The following EYS variants were observed in gnomAD, a reference collection of about 807,000 sequenced individuals.
The protein encoded by EYS is protein eyes shut homolog.
Under a neutral mutation model 282.1 loss-of-function variants are expected in EYS, and 250 were observed. That is an observed-to-expected ratio of 0.89 (90% confidence interval 0.80 to 0.98). The LOEUF is 0.98. Ranked by LOEUF, EYS falls within the 50% of genes least tolerant of loss-of-function variation. The pLI is 0.00. For synonymous variants in EYS, 1,355 were observed against 1,282.9 expected, an observed-to-expected ratio of 1.06 and a Z score of -1.20; for missense variants, 4,016 against 3,709.0, an observed-to-expected ratio of 1.08 and a Z score of -2.15.
At chr6:65,661,274 G>T (rs977916190) in intron 1 of EYS, among the ~76,000 whole-genome samples, 17 of 151,836 alleles carry the variant, frequency 1.1e-4, no homozygotes, top group African/African-American at 3.9e-4. Context: ...CATCTTTTGA[G>T]AACTTTTTCC....
intron 26 of EYS, among the ~76,000 whole-genome samples, chr6:64,565,051 G>A (rs528650263): frequency 6.6e-6 from 1 of 152,044 alleles, no homozygotes; most frequent in East Asian, 1.9e-4. Context: ...TATGTATTTT[G>A]GATGTTATCT....
At chr6:65,699,519 T>TCATGTAC (rs1769579638) in intron 1 of EYS, among the ~76,000 whole-genome samples, 1 of 152,052 alleles carries the variant, frequency 6.6e-6, no homozygotes, top group Non-Finnish European at 1.5e-5. Flanking sequence ...TAAGTAGTAG[T>TCATGTAC]CATGTACCCA....
intron 2 of EYS, among the ~76,000 whole-genome samples, chr6:65,540,050 C>A (rs1768106270): frequency 6.6e-6 from 1 of 152,176 alleles, no homozygotes; most frequent in South Asian, 2.1e-4. Context: ...ATTCCCATGT[C>A]TTTGCACACA....
chr6:64,359,115 T>G (rs965408081), intron 29 of EYS, among the ~76,000 whole-genome samples: 3 of 151,682 alleles, frequency 2.0e-5, no homozygotes, highest in African/African-American at 7.3e-5. Flanking sequence ...TATGTTAGGT[T>G]GTCCACTTAT....
chr6:63,957,097 T>A (rs1370472821), intron 35 of EYS, among the ~76,000 whole-genome samples: 1 of 152,192 alleles, frequency 6.6e-6, no homozygotes, highest in African/African-American at 2.4e-5. Context: ...GCCAATAGCA[T>A]TATAACTCAT....
Position 64,229,253 on chromosome 6 carries a change from C to T in EYS, c.6424+1339G>A, listed in dbSNP as rs532576049. Among the ~76,000 whole-genome samples, 18 of 152,066 alleles carry T rather than the reference C, an allele frequency of 1.2e-4. No homozygotes were observed. The South Asian group carries it at 2.3e-3, about 19-fold the overall frequency. On this transcript the variant is annotated intron_variant, in intron 31 of 42. Transcript: ENST00000503581. ...TCATGCCATTGCACTCCAGCCTGGG[C>T]GGCAGAGCGAGACTCCATCTCAAGA... is the stretch of plus-strand genomic sequence containing the variant.
intron 8 of EYS, among the ~76,000 whole-genome samples, chr6:65,357,863 T>A (rs76170345): frequency 2.6e-3 from 254 of 98,296 alleles, no homozygotes; most frequent in African/African-American, 6.4e-3. Flanking sequence ...TAAAACACTA[T>A]TTTTTTTCGT....
intron 22 of EYS, among the ~76,000 whole-genome samples, chr6:64,689,862 A>G (rs755936704): frequency 3.9e-5 from 6 of 152,170 alleles, no homozygotes; most frequent in Non-Finnish European, 8.8e-5. Context: ...TAGACCTAAA[A>G]CCATAAAAAC....
intron 5 of EYS, among the ~76,000 whole-genome samples, chr6:65,459,283 T>A (rs552302368): frequency 2.2e-4 from 34 of 152,172 alleles, no homozygotes; most frequent in African/African-American, 7.9e-4. Context: ...CAATTAATAT[T>A]TTCACTTATT....
chr6:64,594,836 A>G (rs1325247585), intron 24 of EYS, among the ~76,000 whole-genome samples: 1 of 151,692 alleles, frequency 6.6e-6, no homozygotes, highest in Admixed American at 6.6e-5. Context: ...AACTTAAAGT[A>G]TAATAATAAT....
At chr6:65,477,165 C>G (rs1047495468) in intron 5 of EYS, among the ~76,000 whole-genome samples, 2 of 152,052 alleles carry the variant, frequency 1.3e-5, no homozygotes, top group African/African-American at 2.4e-5. Flanking sequence ...ATTTAACTTT[C>G]TAGATTTTCA....
At chr6:63,786,529 T>G (rs1770365698) in intron 39 of EYS, among the ~76,000 whole-genome samples, 2 of 147,574 alleles carry the variant, frequency 1.4e-5, no homozygotes, top group African/African-American at 2.5e-5. Context: ...TACCGGGGCC[T>G]GTCAAGGGGT....
At chr6:64,173,649 T>C (rs1239419245) in intron 31 of EYS, among the ~76,000 whole-genome samples, 1 of 152,182 alleles carries the variant, frequency 6.6e-6, no homozygotes, top group African/African-American at 2.4e-5. Context: ...CTCATCCTTT[T>C]AAGCTTTTCA....
chr6:65,190,146 A>C (rs949088143), intron 12 of EYS, among the ~76,000 whole-genome samples: 6 of 151,356 alleles, frequency 4.0e-5, no homozygotes, highest in African/African-American at 1.5e-4. Flanking sequence ...CAACCATCAT[A>C]TACAAGCATT....
rs539168458 is a variant in EYS at position 65,234,217 on chromosome 6, C to T, written c.2023+61646G>A. On this transcript the variant is annotated intron_variant, in intron 12 of 42. Transcript: ENST00000503581. ...CGGCCAGCCTCTCCTGTGGGCAGAACCTCCTGCCACAGCATCAGAGCTGGG... is the reference window on the plus strand; with the variant it reads ...CGGCCAGCCTCTCCTGTGGGCAGAATCTCCTGCCACAGCATCAGAGCTGGG... 1.9e-4 allele frequency among the ~76,000 whole-genome samples: 29 copies of T among 152,296 alleles called. 1 individual carries two copies. The highest frequency in any genetic ancestry group is 5.1e-4 in the African/African-American group (21 of 41,572).
At chr6:64,191,337 ATAT>A (rs967466158) in intron 31 of EYS, among the ~76,000 whole-genome samples, 2 of 151,716 alleles carry the variant, frequency 1.3e-5, no homozygotes, top group African/African-American at 2.4e-5. Flanking sequence ...TTTATTATTA[ATAT>A]TATTATTATA....
intron 5 of EYS, among the ~76,000 whole-genome samples, chr6:65,469,103 T>A (rs1490951920): frequency 6.6e-6 from 1 of 151,876 alleles, no homozygotes; most frequent in African/African-American, 2.4e-5. Context: ...TTTTTCAGTA[T>A]AAGTATTTCC....
At chr6:64,923,561 G>A (rs958134719) in intron 15 of EYS, among the ~76,000 whole-genome samples, 1 of 152,064 alleles carries the variant, frequency 6.6e-6, no homozygotes. Flanking sequence ...TAACTCAAAA[G>A]TCCAAATTCT....
At chr6:63,878,655 C>T (rs766105983) in intron 35 of EYS, among the ~76,000 whole-genome samples, 1 of 152,174 alleles carries the variant, frequency 6.6e-6, no homozygotes, top group Non-Finnish European at 1.5e-5. Context: ...GCTTTGTTTA[C>T]CTACTCAAGC....
Sources: gnomAD v4.1 joint callset for allele counts (sites outside exome capture counted in the v4.1 genomes callset) on GRCh38, gnomAD v4.1.1 for gene constraint, MANE v1.5 for transcripts, NCBI Gene and HGNC (gene_info 2026-07-23, HGNC 2026-07-21) for gene names.